CCR3: variants seen among roughly 807,000 people sequenced by gnomAD.
The protein encoded by CCR3 is C-C motif chemokine receptor 3, also known as C-C chemokine receptor type 3.
For missense variants in CCR3, 419 were observed against 437.5 expected (o/e 0.96, Z 0.38); for synonymous variants, 203 against 179.2 (o/e 1.13, Z -1.06).
chr3:46,210,836 T>A (rs908996908), exon 2 of CCR3: 1 of 152,210 alleles, frequency 6.6e-6, no homozygotes, highest in Non-Finnish European at 1.5e-5. Flanking sequence ...GAAAACAATC[T>A]CCAGGTTATC....
At chr3:46,238,869 T>G (rs1015850690), upstream of CCR3, among the ~76,000 whole-genome samples, 2 of 152,226 alleles carry the variant, frequency 1.3e-5, no homozygotes, top group Non-Finnish European at 2.9e-5. Flanking sequence ...GCCATTTATA[T>G]ATGATATTCT....
chr3:46,238,475 G>C (rs955835217), upstream of CCR3, among the ~76,000 whole-genome samples: 2 of 152,122 alleles, frequency 1.3e-5, no homozygotes, highest in Non-Finnish European at 2.9e-5. Flanking sequence ...TGTTGCAGCA[G>C]TTCTCATGAC....
intron 2 of CCR3, among the ~76,000 whole-genome samples, chr3:46,234,359 C>A (rs1396178304): frequency 6.6e-6 from 1 of 152,034 alleles, no homozygotes; most frequent in Admixed American, 6.6e-5. Flanking sequence ...GAAGCTTCAA[C>A]CTGAAAGGCC....
chr3:46,265,049 GT>G, intron 1 of CCR3, 98 bp from the exon 2 acceptor site: 1 of 746,344 alleles, frequency 1.3e-6, no homozygotes, highest in East Asian at 2.6e-5. Flanking sequence ...GCTATCACAT[GT>G]GGCATCTTTG....
intron 1 of CCR3, among the ~76,000 whole-genome samples, chr3:46,256,643 G>GAATTTTATTCATAAATAAATAGTGTCAA (rs1700431124): frequency 6.6e-6 from 1 of 152,076 alleles, no homozygotes; most frequent in African/African-American, 2.4e-5. Flanking sequence ...ATGAGCAGAT[G>GAATTTTATTCATAAATAAATAGTGTCAA]AATTTTATTC....
At chr3:46,234,859 C>T (rs1700007431) in intron 2 of CCR3, among the ~76,000 whole-genome samples, 1 of 152,224 alleles carries the variant, frequency 6.6e-6, no homozygotes, top group African/African-American at 2.4e-5. Context: ...GTTTAAATCA[C>T]TTCTGGGGAA....
chr3:46,257,243 C>T (rs1482891653), intron 1 of CCR3, among the ~76,000 whole-genome samples: 1 of 152,062 alleles, frequency 6.6e-6, no homozygotes, highest in Non-Finnish European at 1.5e-5. Context: ...ACTTGCTGCA[C>T]TTGTATTTGG....
intron 1 of CCR3, among the ~76,000 whole-genome samples, chr3:46,251,515 C>T (rs1026223763): frequency 1.3e-5 from 2 of 152,006 alleles, no homozygotes; most frequent in Non-Finnish European, 2.9e-5. Context: ...GACCTGAGGT[C>T]GTAGGTGGAT....
rs188881318 is a variant in CCR3 at position 46,251,596 on chromosome 3, C to T, written c.-12+9058C>T. Among the ~76,000 whole-genome samples, 343 of 152,252 alleles carry T rather than the reference C, an allele frequency of 2.3e-3. 2 individuals are homozygous for T. The highest frequency in any genetic ancestry group is 8.0e-3 in the African/African-American group (332 of 41,516). ...AAGGGAGGTCCCACAATCCGAGTCA[C>T]GGCACCAAATTTCATGTGCATCCTT... On this transcript the variant is annotated intron_variant, in intron 1 of 1. Coordinates refer to ENST00000395940, the MANE Select transcript of CCR3 (RefSeq NM_178329.3).
chr3:46,226,727 T>C (rs922119688), intron 2 of CCR3, among the ~76,000 whole-genome samples: 1 of 152,162 alleles, frequency 6.6e-6, no homozygotes, highest in Non-Finnish European at 1.5e-5. Flanking sequence ...TTCTTGATCT[T>C]AGAGGAAAAC....
At chr3:46,249,616 C>CAG (rs1190408316) in intron 1 of CCR3, among the ~76,000 whole-genome samples, 6 of 152,198 alleles carry the variant, frequency 3.9e-5, no homozygotes, top group Admixed American at 3.3e-4. Flanking sequence ...AGCCTTGGGC[C>CAG]AGAGTTCCAG....
chr3:46,219,830 A>C (rs142746783), intron 2 of CCR3, among the ~76,000 whole-genome samples: 510 of 152,328 alleles, frequency 3.3e-3, no homozygotes, highest in Admixed American at 5.0e-3. Flanking sequence ...ACCTTAGACA[A>C]AAATCATCTC....
intron 1 of CCR3, among the ~76,000 whole-genome samples, chr3:46,253,324 C>T (rs1380600054): frequency 6.6e-6 from 1 of 152,142 alleles, no homozygotes; most frequent in East Asian, 1.9e-4. Flanking sequence ...CTTTGAACTA[C>T]CTCTTGCTGG....
At chr3:46,264,827 A>G in intron 1 of CCR3, 1 of 391,518 alleles carries the variant, frequency 2.6e-6, no homozygotes, top group Non-Finnish European at 4.5e-6. Flanking sequence ...TGTTATCATT[A>G]TCTAGCCTGT....
intron 2 of CCR3, among the ~76,000 whole-genome samples, chr3:46,234,433 C>T (rs1258187998): frequency 6.6e-6 from 1 of 152,136 alleles, no homozygotes; most frequent in African/African-American, 2.4e-5. Flanking sequence ...ACATCAGATC[C>T]AAGATCTCCC....
chr3:46,265,257 G>A lies in CCR3; in HGVS notation c.99G>A (p.Met33Ile). ...LCEKADTRAL[M>I]AQFVPPLYSL... is the part of the protein sequence containing the mutation. ...AAAAAGCTGATACCAGAGCACTGAT[G>A]GCCCAGTTTGTGCCCCCGCTGTACT... The change falls in exon 2 of 2, where the codon ATG (methionine) becomes ATA (isoleucine). Residue 33 changes from methionine (M) to isoleucine (I), a missense_variant. Coordinates refer to ENST00000395940, the MANE Select transcript of CCR3 (RefSeq NM_178329.3). The A allele has an allele frequency of 2.5e-6, 4 of 1,613,954 alleles. No homozygotes were observed. The highest frequency in any genetic ancestry group is 1.3e-5 in the African/African-American group (1 of 75,008).
intron 2 of CCR3, among the ~76,000 whole-genome samples, chr3:46,218,710 A>C (rs534608629): frequency 1.3e-5 from 2 of 152,190 alleles, no homozygotes; most frequent in African/African-American, 2.4e-5. Context: ...CCACATAAAC[A>C]GAAGTAAAAA....
chr3:46,227,052 G>A (rs529189806), intron 2 of CCR3, among the ~76,000 whole-genome samples: 26 of 147,166 alleles, frequency 1.8e-4, no homozygotes, highest in African/African-American at 4.4e-4. Context: ...TTTATTTTTC[G>A]TATTTTTAGT....
upstream of CCR3, among the ~76,000 whole-genome samples, chr3:46,240,726 G>A (rs772400559): frequency 5.9e-5 from 9 of 152,218 alleles, no homozygotes; most frequent in Non-Finnish European, 1.3e-4. Flanking sequence ...TGGCCTCCAC[G>A]TAGTCCTAAT....
Sources: allele counts gnomAD v4.1 joint callset (sites outside exome capture counted in the v4.1 genomes callset), GRCh38; gene constraint gnomAD v4.1.1; transcripts MANE v1.5; gene names NCBI Gene and HGNC (gene_info 2026-07-23, HGNC 2026-07-21).